Variants in ZPLD1 observed in about 807,000 individuals in gnomAD.
ZPLD1 encodes the protein zona pellucida-like domain-containing protein 1.
A neutral mutation model predicts 47.2 loss-of-function variants in ZPLD1; 34 were observed. That is an observed-to-expected ratio of 0.72 (90% confidence interval 0.55 to 0.96). The LOEUF (loss-of-function observed/expected upper bound fraction) is 0.96. Among genes scored for constraint, ZPLD1 ranks in the 40% least tolerant of loss-of-function variants. The pLI is 0.00. For synonymous variants in ZPLD1, 176 were observed against 186.2 expected (o/e 0.95, Z 0.45); for missense variants, 512 against 505.8 (o/e 1.01, Z -0.12).
At chr3:102,432,526 T>A (rs1707028591), upstream of ZPLD1, among the ~76,000 whole-genome samples, 1 of 152,204 alleles carries the variant, frequency 6.6e-6, no homozygotes, top group Non-Finnish European at 1.5e-5. Flanking sequence ...GGCAATGAAA[T>A]TAAGGAAATT....
Position 102,393,701 on chromosome 3 carries a change from T to A in ZPLD1, c.-157+1476T>A, listed in dbSNP as rs558723335. 2.0e-5 allele frequency among the ~76,000 whole-genome samples: 3 copies of A among 151,744 alleles called. No individual in the cohort carries two copies. The South Asian group carries it at 6.2e-4, about 32-fold the overall frequency. On this transcript the variant is annotated intron_variant, in intron 7 of 17. Coordinates refer to the ZPLD1 transcript ENST00000491959. ...CTTAGGTTTGAAAGCTAGTTTTGAG[T>A]TGGTAAAAATTTTATTAGAAATATC...
At chr3:102,432,889 G>T (rs372559752), upstream of ZPLD1, among the ~76,000 whole-genome samples, 19 of 152,116 alleles carry the variant, frequency 1.2e-4, no homozygotes, top group East Asian at 3.1e-3. Flanking sequence ...ATTTATATGG[G>T]TTAGTTATAT....
intron 8 of ZPLD1, among the ~76,000 whole-genome samples, chr3:102,421,425 A>C (rs547120849): frequency 1.2e-4 from 18 of 151,994 alleles, no homozygotes; most frequent in African/African-American, 3.6e-4. Context: ...TTTAAAAACT[A>C]CTCATCTTTT....
At chr3:102,388,195 G>A (rs1303284264) in intron 6 of ZPLD1, among the ~76,000 whole-genome samples, 1 of 151,918 alleles carries the variant, frequency 6.6e-6, no homozygotes, top group African/African-American at 2.4e-5. Flanking sequence ...TTTTTCTGTC[G>A]TGATTTTCAC....
At chr3:102,395,669 C>A in intron 7 of ZPLD1, among the ~76,000 whole-genome samples, 1 of 152,220 alleles carries the variant, frequency 6.6e-6, no homozygotes, top group East Asian at 1.9e-4. Context: ...TGGAGTAATT[C>A]GTAACAGAAA....
At chr3:102,459,462 G>A (rs926468568) in intron 6 of ZPLD1, among the ~76,000 whole-genome samples, 6 of 152,024 alleles carry the variant, frequency 3.9e-5, no homozygotes, top group African/African-American at 1.4e-4. Flanking sequence ...TTTGAAGTGT[G>A]GATTTCAGGA....
intron 3 of ZPLD1, among the ~76,000 whole-genome samples, chr3:102,447,690 C>T (rs1377960102): frequency 6.6e-6 from 1 of 152,108 alleles, no homozygotes; most frequent in Non-Finnish European, 1.5e-5. Context: ...AAAAGCCTCA[C>T]CATGAGCCTC....
In ZPLD1 at chr3:102,436,978, G is replaced by A. The variant is rs1361760620; in HGVS notation, c.-9+5G>A. 2 of 973,634 alleles carry A rather than the reference G, an allele frequency of 2.1e-6. No individual in the cohort carries two copies. Among genetic ancestry groups the A allele is most frequent in the Admixed American group, 6.2e-5 (1 of 16,250 alleles). The allele number at this position is 973,634 out of a possible 1,614,324, so 60.3% of individuals were successfully genotyped here. ...AGCATGGAGCATGGAATAAATGTGGGTGCAGTGGAGTGTATTGCTTATTCA... is the reference window on the plus strand; with the variant it reads ...AGCATGGAGCATGGAATAAATGTGGATGCAGTGGAGTGTATTGCTTATTCA... On this transcript the variant is annotated splice_donor_5th_base_variant and intron_variant, in intron 2 of 11. Coordinates refer to ENST00000466937, the MANE Select transcript of ZPLD1 (RefSeq NM_001329788.2).
At chr3:102,422,240 G>C (rs1706888730) in intron 8 of ZPLD1, among the ~76,000 whole-genome samples, 1 of 151,972 alleles carries the variant, frequency 6.6e-6, no homozygotes, top group African/African-American at 2.4e-5. Context: ...GAAGCTTAGA[G>C]GTTTACTAGG....
intron 3 of ZPLD1, among the ~76,000 whole-genome samples, chr3:102,441,584 T>C (rs1469230766): frequency 1.3e-5 from 2 of 152,302 alleles, no homozygotes; most frequent in African/African-American, 4.8e-5. Context: ...TCTCCCAACC[T>C]AGAAATCCTC....
chr3:102,445,092 G>A (rs374318362), intron 3 of ZPLD1, among the ~76,000 whole-genome samples: 2 of 152,154 alleles, frequency 1.3e-5, no homozygotes. Context: ...TGCCCCGCTT[G>A]GTGTAGCTGC....
At chr3:102,436,267 T>C (rs1415051775) in intron 1 of ZPLD1, among the ~76,000 whole-genome samples, 2 of 152,228 alleles carry the variant, frequency 1.3e-5, no homozygotes, top group African/African-American at 4.8e-5. Flanking sequence ...AACACAAATG[T>C]GTCTAGTTTA....
intron 3 of ZPLD1, among the ~76,000 whole-genome samples, chr3:102,448,638 C>G (rs945011440): frequency 6.6e-6 from 1 of 152,192 alleles, no homozygotes; most frequent in African/African-American, 2.4e-5. Flanking sequence ...AGTTTGTCAT[C>G]ATATCTTAAA....
chr3:102,402,618 A>C (rs1374280820), intron 7 of ZPLD1, among the ~76,000 whole-genome samples: 1 of 152,002 alleles, frequency 6.6e-6, no homozygotes, highest in Non-Finnish European at 1.5e-5. Context: ...TTGCAGGCCT[A>C]AAAATCCTAA....
At chr3:102,459,271 G>A (rs575659849) in intron 6 of ZPLD1, among the ~76,000 whole-genome samples, 2 of 152,176 alleles carry the variant, frequency 1.3e-5, no homozygotes, top group East Asian at 3.9e-4. Flanking sequence ...TGCATAAGCT[G>A]TCTGAGCTTG....
chr3:102,477,586 T>A lies in ZPLD1; in HGVS notation c.1216T>A (p.Leu406Met). Residue 406 changes from leucine to methionine, a missense_variant, in exon 12 of 12, where the codon TTG becomes ATG. Leu to Met is a conservative substitution (Grantham distance 15). Transcript: ENST00000466937. ...CAGGAAGGGACCCACAAGTTTAGTG[T>A]TGAATGGCATAAGAAACCCAGTCTT... ...LHRKGPTSLV[L>M]NGIRNPVFD is the part of the protein sequence containing the mutation. 1 of 1,613,272 alleles carries A rather than the reference T, an allele frequency of 6.2e-7. No individual in the cohort carries two copies. Among genetic ancestry groups the A allele is most frequent in the Non-Finnish European group, 8.5e-7 (1 of 1,179,560 alleles).
chr3:102,426,246 G>A (rs138459308), intron 8 of ZPLD1, among the ~76,000 whole-genome samples: 2,525 of 152,032 alleles, frequency 0.017, 72 homozygotes, highest in African/African-American at 0.057. Context: ...GGCCGGGTGC[G>A]GTGGCTCACG....
chr3:102,407,298 T>C (rs1559742144), intron 7 of ZPLD1, among the ~76,000 whole-genome samples: 1 of 149,070 alleles, frequency 6.7e-6, no homozygotes. Context: ...TCAATATTTA[T>C]ATAAAATAAA....
At chr3:102,452,317 G>T in intron 3 of ZPLD1, among the ~76,000 whole-genome samples, 1 of 149,734 alleles carries the variant, frequency 6.7e-6, no homozygotes, top group Admixed American at 6.7e-5. Flanking sequence ...ACAGTGAGCT[G>T]TGCATTTTTG....
Sources: gnomAD v4.1 joint callset for allele counts (sites outside exome capture counted in the v4.1 genomes callset) on GRCh38, gnomAD v4.1.1 for gene constraint, MANE v1.5 for transcripts, NCBI Gene and HGNC (gene_info 2026-07-23, HGNC 2026-07-21) for gene names.